SYNE1: variants seen among roughly 807,000 people sequenced by gnomAD.
SYNE1 encodes nesprin-1.
A neutral mutation model predicts 1,111.0 loss-of-function variants in SYNE1; 616 were observed. The observed-to-expected ratio is 0.55, with a 90% CI of 0.52 to 0.59. The LOEUF (loss-of-function observed/expected upper bound fraction) is 0.59. Ranked by LOEUF, SYNE1 falls within the 20% of genes least tolerant of loss-of-function variation. The pLI is 0.00. For missense variants in SYNE1, 10,006 were observed against 10,417.0 expected (o/e 0.96, Z 1.72); for synonymous variants, 3,855 against 3,825.8 (o/e 1.01, Z -0.28).
rs2097064687 is a variant in SYNE1 at position 152,365,765 on chromosome 6, G to T, written c.9973-746C>A. On this transcript the variant is annotated intron_variant, in intron 62 of 145. Transcript: ENST00000367255. ...GTAAGCCACTGCGCCCGGCCAGAAG[G>T]AAGTTTTAATTCCAAGTTATAAAAC... Among the ~76,000 whole-genome samples the T allele has an allele frequency of 2.6e-5, 4 of 152,036 alleles. No homozygotes were observed. In the South Asian group the frequency reaches 8.3e-4, roughly 32 times the overall value.
intron 29 of SYNE1, among the ~76,000 whole-genome samples, chr6:152,445,916 G>A (rs2098583170): frequency 1.3e-5 from 2 of 152,034 alleles, no homozygotes; most frequent in East Asian, 1.9e-4. Flanking sequence ...AGTGGAAAAG[G>A]GTATTAATAT....
intron 74 of SYNE1, 130 bp downstream of exon 74, chr6:152,343,951 C>T: frequency 3.7e-6 from 5 of 1,345,794 alleles, no homozygotes; most frequent in Non-Finnish European, 5.2e-6. Flanking sequence ...TAGAGCCAAC[C>T]TCAGACCTTC....
At chr6:152,219,721 AAC>A (rs2153459562) in intron 119 of SYNE1, among the ~76,000 whole-genome samples, 1 of 152,346 alleles carries the variant, frequency 6.6e-6, no homozygotes. Flanking sequence ...TAGGGTACAG[AAC>A]ACAGTGATGA....
At chr6:152,141,119 C>A (rs986138374) in intron 139 of SYNE1, 84 bp downstream of exon 139, 3 of 1,585,110 alleles carry the variant, frequency 1.9e-6, no homozygotes, top group Admixed American at 1.7e-5. Flanking sequence ...GAAGGCCAAG[C>A]CCCCTAAGTG....
At chr6:152,464,923 A>G in intron 18 of SYNE1, 3 of 373,488 alleles carry the variant, frequency 8.0e-6, no homozygotes, top group South Asian at 6.9e-5. Context: ...TATGTGTTTC[A>G]GCACTACGTG....
intron 73 of SYNE1, among the ~76,000 whole-genome samples, chr6:152,345,451 T>A (rs1325862150): frequency 6.6e-6 from 1 of 152,056 alleles, no homozygotes; most frequent in East Asian, 1.9e-4. Flanking sequence ...TGAAGGTGAT[T>A]TTTTTTTAAG....
intron 3 of SYNE1, among the ~76,000 whole-genome samples, chr6:152,619,511 T>C (rs2099670718): frequency 1.3e-5 from 2 of 152,224 alleles, no homozygotes; most frequent in South Asian, 4.1e-4. Flanking sequence ...ACTTTCTCTT[T>C]TCTTTTCATA....
intron 23 of SYNE1, 107 bp from the exon 24 acceptor site, chr6:152,455,697 T>C: frequency 6.8e-7 from 1 of 1,478,518 alleles, no homozygotes; most frequent in Non-Finnish European, 9.4e-7. Flanking sequence ...AAAAGACATT[T>C]CATCATCATG....
At chr6:152,254,843 A>C (rs754361131) in intron 104 of SYNE1, 37 bp downstream of exon 104, 1 of 1,573,898 alleles carries the variant, frequency 6.4e-7, no homozygotes, top group Non-Finnish European at 8.7e-7. Context: ...GAATACCTAG[A>C]GAATGGTCAC....
chr6:152,503,565 C>T (rs1451157678), intron 9 of SYNE1, among the ~76,000 whole-genome samples: 1 of 152,128 alleles, frequency 6.6e-6, no homozygotes, highest in Non-Finnish European at 1.5e-5. Context: ...TTATATCTTA[C>T]AGAGCAATTT....
chr6:152,630,708 A>T (rs2099696511), intron 2 of SYNE1, among the ~76,000 whole-genome samples: 1 of 152,218 alleles, frequency 6.6e-6, no homozygotes, highest in African/African-American at 2.4e-5. Flanking sequence ...ACTTCATTTC[A>T]GATACCCCAC....
At position 152,601,117 on chromosome 6, in the gene SYNE1, G is replaced by A. The variant is rs565074445; in HGVS notation, c.67+27148C>T. Among the ~76,000 whole-genome samples, 78 of 152,282 alleles carry A rather than the reference G, an allele frequency of 5.1e-4. 1 individual carries two copies. The highest frequency in any genetic ancestry group is 1.0e-3 in the Admixed American group (16 of 15,284). On this transcript the variant is annotated intron_variant, in intron 3 of 145. Coordinates refer to ENST00000367255, the MANE Select transcript of SYNE1 (RefSeq NM_182961.4). Reference sequence around the variant, plus strand: ...TGAGGAAGCTTTGCTCATTCAAATGGATATGGGATATATGCTAAATGGTTT... The same window carrying A: ...TGAGGAAGCTTTGCTCATTCAAATGAATATGGGATATATGCTAAATGGTTT...
rs559141301 is a variant in SYNE1 at position 152,632,984 on chromosome 6, C to T, written c.-224+3654G>A. On this transcript the variant is annotated intron_variant, in intron 2 of 145. Coordinates refer to ENST00000367255, the MANE Select transcript of SYNE1 (RefSeq NM_182961.4). ...AAACCAATAGCAGCACAAGGCAGAGCTAAAACAACGACTGGTGCAAGGTCA... is the reference window on the plus strand; with the variant it reads ...AAACCAATAGCAGCACAAGGCAGAGTTAAAACAACGACTGGTGCAAGGTCA... Among the ~76,000 whole-genome samples, 4 of 152,188 alleles carry T rather than the reference C, an allele frequency of 2.6e-5. No homozygotes were observed. In the South Asian group the frequency reaches 8.3e-4, roughly 32 times the overall value.
At chr6:152,368,940 C>A in intron 61 of SYNE1, 32 bp downstream of exon 61, 1 of 1,613,890 alleles carries the variant, frequency 6.2e-7, no homozygotes, top group Non-Finnish European at 8.5e-7. Context: ...ACATCAGTAT[C>A]ACACTCACAC....
At chr6:152,311,087 T>G (rs1401759465) in intron 87 of SYNE1, 7 of 605,184 alleles carry the variant, frequency 1.2e-5, no homozygotes, top group Non-Finnish European at 2.1e-5. Context: ...GTAAACAATG[T>G]GCAGAGGTCA....
Position 152,141,329 on chromosome 6 carries a change from T to C in SYNE1, c.25120A>G (p.Met8374Val). ...CTACTGCATTCGCCCAGCAGTTTCA[T>C]CTGTTTAGACATAAACAACCGGCCC... ...PELDTSYKGY[M>V]KLLGECSSSI... Residue 8374 changes from methionine to valine, a missense_variant and splice_region_variant, in exon 139 of 146, where the codon ATG (methionine) becomes GTG (valine). Coordinates refer to ENST00000367255, the MANE Select transcript of SYNE1 (RefSeq NM_182961.4). 1.2e-6 allele frequency: 2 copies of C among 1,614,026 alleles called. No homozygotes were observed. The highest frequency in any genetic ancestry group is 1.7e-6 in the Non-Finnish European group (2 of 1,179,992).
intron 86 of SYNE1, among the ~76,000 whole-genome samples, chr6:152,317,612 C>A (rs2095764056): frequency 6.6e-6 from 1 of 152,188 alleles, no homozygotes; most frequent in Non-Finnish European, 1.5e-5. Context: ...GGGTTACCAA[C>A]TCCTGGTTTT....
At chr6:152,607,401 G>GA (rs1459767380) in intron 3 of SYNE1, among the ~76,000 whole-genome samples, 1 of 151,470 alleles carries the variant, frequency 6.6e-6, no homozygotes, top group South Asian at 2.1e-4. Context: ...TGAAGCAACA[G>GA]AAAAAAACTG....
chr6:152,388,334 G>A (rs1436994874), intron 53 of SYNE1, among the ~76,000 whole-genome samples: 2 of 151,438 alleles, frequency 1.3e-5, no homozygotes, highest in African/African-American at 2.4e-5. Flanking sequence ...TGCAATCTCT[G>A]TGTCCTCTGA....
Sources: allele counts gnomAD v4.1 joint callset (sites outside exome capture counted in the v4.1 genomes callset), GRCh38; gene constraint gnomAD v4.1.1; transcripts MANE v1.5; gene names NCBI Gene and HGNC (gene_info 2026-07-23, HGNC 2026-07-21).